DRC7: variants seen among roughly 807,000 people sequenced by gnomAD.
DRC7 encodes the protein dynein regulatory complex subunit 7, also known as coiled-coil domain containing 135.
DRC7 carries 80 observed loss-of-function variants against 104.4 expected under a neutral mutation model. That is an observed-to-expected ratio of 0.77 (90% CI 0.64 to 0.92). The LOEUF is 0.92. DRC7 is among the 40% of genes least tolerant of loss of function. The probability of loss-of-function intolerance (pLI) is 0.00; values close to 1 mark genes in which losing one functional copy is unlikely to be tolerated. For synonymous variants in DRC7, 405 were observed against 447.3 expected, an observed-to-expected ratio of 0.91 and a Z score of 1.19; for missense variants, 1,034 against 1,141.1, an observed-to-expected ratio of 0.91 and a Z score of 1.35.
chr16:57,725,909 A>G (rs2048956691), intron 13 of DRC7, 159 bp from the exon 14 acceptor site: 1 of 653,220 alleles, frequency 1.5e-6, no homozygotes, highest in South Asian at 1.8e-5. Flanking sequence ...AACCCACGAA[A>G]TCCATTGTCT....
At chr16:57,723,495 G>T (rs12599974) in intron 12 of DRC7, among the ~76,000 whole-genome samples, 3 of 152,040 alleles carry the variant, frequency 2.0e-5, no homozygotes, top group South Asian at 2.1e-4. Flanking sequence ...CGCTTTGGGA[G>T]GCCAACATGG....
intron 5 of DRC7, 62 bp from the exon 6 acceptor site, chr16:57,701,874 G>T: frequency 6.9e-7 from 1 of 1,441,460 alleles, no homozygotes; most frequent in South Asian, 1.2e-5. Context: ...GGCTGTGACC[G>T]GTGGGGAGGA....
chr16:57,729,468 G>GAGTA (rs1447288820), intron 17 of DRC7, among the ~76,000 whole-genome samples: 2 of 145,932 alleles, frequency 1.4e-5, no homozygotes, highest in South Asian at 2.3e-4. Context: ...ATGAGTGAGT[G>GAGTA]GGTGGGTGGA....
At chr16:57,696,124 G>C (rs1050130934) in intron 1 of DRC7, among the ~76,000 whole-genome samples, 10 of 152,194 alleles carry the variant, frequency 6.6e-5, no homozygotes, top group Admixed American at 6.5e-4. Context: ...ACAGATGTTC[G>C]AGGACAGAAA....
At chr16:57,701,894 G>A (rs766768310) in intron 5 of DRC7, 42 bp from the exon 6 acceptor site, 4 of 1,567,282 alleles carry the variant, frequency 2.6e-6, no homozygotes, top group Non-Finnish European at 3.5e-6. Flanking sequence ...ACAGGCTGGG[G>A]CAGCGGGGCC....
chr16:57,722,665 C>T (rs2048915757), intron 10 of DRC7, 48 bp from the exon 11 acceptor site: 14 of 1,608,402 alleles, frequency 8.7e-6, no homozygotes, highest in Non-Finnish European at 1.2e-5. Context: ...GCTGGCCCTC[C>T]CTTCCCCCAA....
intron 7 of DRC7, among the ~76,000 whole-genome samples, chr16:57,707,081 C>G (rs1416391252): frequency 6.6e-6 from 1 of 152,106 alleles, no homozygotes; most frequent in Non-Finnish European, 1.5e-5. Flanking sequence ...TTATACATAA[C>G]AATGAACAAC....
chr16:57,720,925 T>C (rs1008306025), intron 9 of DRC7, among the ~76,000 whole-genome samples: 1 of 152,096 alleles, frequency 6.6e-6, no homozygotes, highest in Non-Finnish European at 1.5e-5. Flanking sequence ...AGGCCGGGCA[T>C]GGTGGCTCAT....
intron 8 of DRC7, among the ~76,000 whole-genome samples, chr16:57,712,421 C>T (rs1340198616): frequency 1.3e-5 from 2 of 152,176 alleles, no homozygotes; most frequent in East Asian, 3.8e-4. Context: ...AGCTAGTCCT[C>T]AATTTGGTCC....
At chr16:57,703,665 T>A (rs1423741950) in intron 6 of DRC7, among the ~76,000 whole-genome samples, 16 of 152,106 alleles carry the variant, frequency 1.1e-4, no homozygotes, top group Non-Finnish European at 2.4e-4. Flanking sequence ...GGCTTTTGGC[T>A]TCAAAAGCCT....
chr16:57,700,080 C>A, intron 4 of DRC7, 65 bp from the exon 5 acceptor site: 1 of 1,564,368 alleles, frequency 6.4e-7, no homozygotes, highest in Non-Finnish European at 8.7e-7. Flanking sequence ...TCAAGGAAGG[C>A]CCCAAGCTTG....
At chr16:57,730,862 T>A in intron 17 of DRC7, 69 bp from the exon 18 acceptor site, 1 of 1,551,898 alleles carries the variant, frequency 6.4e-7, no homozygotes, top group Non-Finnish European at 8.8e-7. Context: ...ACCCATGGGA[T>A]TGCAGCCTGC....
intron 9 of DRC7, among the ~76,000 whole-genome samples, chr16:57,719,359 T>C (rs2048879096): frequency 6.6e-6 from 1 of 152,222 alleles, no homozygotes; most frequent in Admixed American, 6.5e-5. Context: ...TTCTGGAGGC[T>C]GGAAGTCTGA....
chr16:57,698,970 G>C lies in DRC7; in HGVS notation c.324G>C (p.Leu108=). ...ACTTCTCCCGCCAGTACAGCCATCT[G>C]TGCCCGGACCGCGTGCCCCTCTTCC... ...ADNFSRQYSH[L]CPDRVPLFLH... The change falls in exon 4 of 19, where the codon CTG becomes CTC. Residue 108 remains leucine (L), a synonymous_variant. Transcript: ENST00000360716. 1.2e-6 allele frequency: 2 copies of C among 1,614,250 alleles called. No homozygotes were observed. The highest frequency in any genetic ancestry group is 1.7e-6 in the Non-Finnish European group (2 of 1,180,040).
At chr16:57,712,792 T>C (rs62039915) in intron 8 of DRC7, among the ~76,000 whole-genome samples, 9,180 of 152,106 alleles carry the variant, frequency 0.06, 573 homozygotes, top group East Asian at 0.23. Context: ...CTCAGCCTCC[T>C]GAGTAGCTGA....
chr16:57,722,732 G>A lies in DRC7; in HGVS notation c.1299G>A (p.Pro433=), dbSNP rs778359316. Residue 433 remains proline (P), a synonymous_variant, in exon 11 of 19, where the codon CCG becomes CCA. Transcript: ENST00000360716. ...CCACAGCATTTGAGACCCGCTGCCC[G>A]AACGGGAAGAAGGTGATTCAGTACA... ...ISPEAFETRC[P]NGKKVIQYKR... 4 of 1,613,786 alleles carry A rather than the reference G, an allele frequency of 2.5e-6. No individual in the cohort carries two copies. The highest frequency in any genetic ancestry group is 2.2e-5 in the South Asian group (2 of 91,088).
intron 17 of DRC7, among the ~76,000 whole-genome samples, chr16:57,728,804 A>AGGTGGGAG (rs1432477570): frequency 5.9e-5 from 1 of 16,942 alleles, no homozygotes; most frequent in African/African-American, 2.3e-4. Context: ...AGGTATGGAT[A>AGGTGGGAG]GGTGGGTGGG....
intron 8 of DRC7, among the ~76,000 whole-genome samples, chr16:57,709,064 G>A (rs2048764230): frequency 6.6e-6 from 1 of 151,468 alleles, no homozygotes; most frequent in Non-Finnish European, 1.5e-5. Flanking sequence ...GGGAGGCGGA[G>A]GTTGTAGTGA....
chr16:57,710,076 G>A (rs118118588), intron 8 of DRC7, among the ~76,000 whole-genome samples: 146 of 152,310 alleles, frequency 9.6e-4, no homozygotes, highest in Non-Finnish European at 1.9e-3. Context: ...AAAGAAGATT[G>A]TGGTTGAGAT....
Sources: gnomAD v4.1 joint callset for allele counts (sites outside exome capture counted in the v4.1 genomes callset) on GRCh38, gnomAD v4.1.1 for gene constraint, MANE v1.5 for transcripts, NCBI Gene and HGNC (gene_info 2026-07-23, HGNC 2026-07-21) for gene names.